Variants in PDGFB observed in about 807,000 individuals in gnomAD.
PDGFB encodes the protein platelet derived growth factor subunit B.
PDGFB carries 6 observed loss-of-function variants against 29.0 expected under a neutral mutation model. The ratio of observed to expected loss-of-function variants is 0.21; its 90% CI spans 0.11 to 0.41. The LOEUF is 0.41. Among genes scored for constraint, PDGFB ranks in the 10% least tolerant of loss-of-function variants. The probability of loss-of-function intolerance (pLI) is 1.00; values close to 1 mark genes in which losing one functional copy is unlikely to be tolerated. For synonymous variants in PDGFB, 144 were observed against 140.8 expected, an observed-to-expected ratio of 1.02 and a Z score of -0.16; for missense variants, 299 against 341.8, an observed-to-expected ratio of 0.87 and a Z score of 0.99.
At chr22:39,239,204 C>T (rs2067870561) in intron 1 of PDGFB, among the ~76,000 whole-genome samples, 1 of 152,208 alleles carries the variant, frequency 6.6e-6, no homozygotes, top group Non-Finnish European at 1.5e-5. Flanking sequence ...TTGTGGGCAG[C>T]AGCGAGTGGC....
At chr22:39,232,956 G>A (rs1305855893) in intron 3 of PDGFB, among the ~76,000 whole-genome samples, 1 of 152,222 alleles carries the variant, frequency 6.6e-6, no homozygotes, top group African/African-American at 2.4e-5. Context: ...CAAGGGAGCA[G>A]GAGGAAGTTC....
rs551087094 is a variant in PDGFB at position 39,242,143 on chromosome 22, C to T, written c.63+1758G>A. 4 of 222,674 alleles carry T rather than the reference C, an allele frequency of 1.8e-5. No homozygotes were observed. Among genetic ancestry groups the T allele is most frequent in the Admixed American group, 1.7e-4 (3 of 17,374 alleles). The allele number at this position is 222,674 out of a possible 1,614,324, so 13.8% of individuals were successfully genotyped here. A position where few individuals can be genotyped will look rare whatever the true frequency, so the allele number is the denominator to read the frequency against. ...GCCGCGCGTGCAGGGGCCGTGCGTGCGTTTGTGTGCGGTGCGCGCGCGTGT... is the reference window on the plus strand; with the variant it reads ...GCCGCGCGTGCAGGGGCCGTGCGTGTGTTTGTGTGCGGTGCGCGCGCGTGT... On this transcript the variant is annotated intron_variant, in intron 1 of 6. Transcript: ENST00000331163. The surrounding 1 kb of genome is among the most constrained non-coding windows in gnomAD (Gnocchi z 5.7).
rs1321204945 is a variant in PDGFB at position 39,243,593 on chromosome 22, C to T, written c.63+308G>A. Among the ~76,000 whole-genome samples, 3 of 152,184 alleles carry T rather than the reference C, an allele frequency of 2.0e-5. No homozygotes were observed. The highest frequency in any genetic ancestry group is 4.4e-5 in the Non-Finnish European group (3 of 68,030). On this transcript the variant is annotated intron_variant, in intron 1 of 6. Coordinates refer to ENST00000331163, the MANE Select transcript of PDGFB (RefSeq NM_002608.4). The surrounding 1 kb of genome is among the most constrained non-coding windows in gnomAD (Gnocchi z 6.4). ...ACCACCCCACCCCCTCTCCCCCGGC[C>T]GGGAAGGGGCTTGTTCTCGGGTTCC... is the stretch of plus-strand genomic sequence containing the variant.
Position 39,233,481 on chromosome 22 carries a change from G to C in PDGFB, c.204C>G (p.His68Gln), listed in dbSNP as rs770014921. The C allele has an allele frequency of 1.3e-6, 2 of 1,594,664 alleles. No individual in the cohort carries two copies. The highest frequency in any genetic ancestry group is 1.7e-6 in the Non-Finnish European group (2 of 1,171,412). ...CCAAGCTCTCCAGCTCGCCTCCAGA[G>C]TGGGAGCGGGTCATGTTCAGGTCCA... Reference protein sequence around the residue: ...AELDLNMTRSHSGGELESLAR... With the variant: ...AELDLNMTRSQSGGELESLAR... The change falls in exon 3 of 7, where the codon CAC becomes CAG. Residue 68 changes from histidine (H) to glutamine (Q), a missense_variant. By Grantham distance (24) the His-to-Gln change is conservative. Transcript: ENST00000331163.
intron 5 of PDGFB, 129 bp downstream of exon 5, chr22:39,229,955 A>T (rs1932256642): frequency 9.0e-7 from 1 of 1,105,670 alleles, no homozygotes; most frequent in Middle Eastern, 3.1e-4. Flanking sequence ...TCTCAGCAAG[A>T]TGAAAAGAAA....
Position 39,223,471 on chromosome 22 carries a change from A to T in PDGFB, c.*1871T>A, listed in dbSNP as rs1446019363. The T allele has an allele frequency of 6.6e-6, 1 of 152,278 alleles. No individual in the cohort carries two copies. Among genetic ancestry groups the T allele is most frequent in the African/African-American group, 2.4e-5 (1 of 41,436 alleles). The allele number at this position is 152,278 out of a possible 1,614,324, so 9.4% of individuals were successfully genotyped here. ...CCTGTGTGTCTCTTCTTCCCGCCAG[A>T]CAGAGGCCTCCCCCAAGTTGCAGGC... On this transcript the variant is annotated 3_prime_UTR_variant, in exon 7 of 7. Transcript: ENST00000331163.
At chr22:39,240,946 C>G in intron 1 of PDGFB, 2 of 1,325,326 alleles carry the variant, frequency 1.5e-6, no homozygotes, top group Non-Finnish European at 2.1e-6. Context: ...CACACACTCT[C>G]TCTCTCTCTC....
intron 2 of PDGFB, 110 bp from the exon 3 acceptor site, chr22:39,233,634 A>AGAGTCCCTCCTTC: frequency 1.5e-6 from 1 of 648,208 alleles, no homozygotes; most frequent in African/African-American, 1.9e-5. Flanking sequence ...ACTCCAGAGA[A>AGAGTCCCTCCTTC]CAGTCCCTCC....
chr22:39,240,312 CT>C (rs760759410), intron 1 of PDGFB, among the ~76,000 whole-genome samples: 4 of 152,090 alleles, frequency 2.6e-5, no homozygotes, highest in Admixed American at 1.3e-4. Flanking sequence ...TTCTGCCATT[CT>C]TTGGGAACTC....
rs777744133 is a variant in PDGFB at position 39,225,783 on chromosome 22, C to T, written c.666G>A (p.Lys222=). 2 of 1,614,178 alleles carry T rather than the reference C, an allele frequency of 1.2e-6. No homozygotes were observed. Among genetic ancestry groups the T allele is most frequent in the Admixed American group, 3.3e-5 (2 of 60,022 alleles). ...CATGCGTGTGCTTGAATTTCCGGTGCTTGCCCTTGGGGGGCCGGCGGACTC... is the reference window on the plus strand; with the variant it reads ...CATGCGTGTGCTTGAATTTCCGGTGTTTGCCCTTGGGGGGCCGGCGGACTC... ...TVRVRRPPKG[K]HRKFKHTHDK... The change falls in exon 6 of 7, where the codon AAG becomes AAA. Residue 222 remains lysine, a synonymous_variant. Transcript: ENST00000331163.
intron 5 of PDGFB, among the ~76,000 whole-genome samples, chr22:39,226,712 C>G (rs1388310251): frequency 6.6e-6 from 1 of 152,236 alleles, no homozygotes; most frequent in East Asian, 1.9e-4. Flanking sequence ...CTCTCAGCCC[C>G]GTCCGATCAC....
At chr22:39,238,026 C>G (rs576869173) in intron 1 of PDGFB, among the ~76,000 whole-genome samples, 29 of 152,310 alleles carry the variant, frequency 1.9e-4, no homozygotes, top group African/African-American at 6.0e-4. Flanking sequence ...GCATTTAGTG[C>G]TTGTGCCAAG....
intron 3 of PDGFB, among the ~76,000 whole-genome samples, chr22:39,233,193 G>A (rs1245513783): frequency 2.0e-5 from 3 of 152,212 alleles, no homozygotes; most frequent in Non-Finnish European, 4.4e-5. Flanking sequence ...TTGAAATAAG[G>A]AACGAATGAG....
Position 39,244,241 on chromosome 22 carries a change from G to T in PDGFB, c.-278C>A. On this transcript the variant is annotated 5_prime_UTR_variant, in exon 1 of 7. Transcript: ENST00000331163. The surrounding 1 kb of genome is among the most constrained non-coding windows in gnomAD (Gnocchi z 4.5). Reference sequence around the variant, plus strand: ...TCCCGAGCCCGAGTGAGCATCCACGGCCGGGGGGCTGCGTCGCGAACCAGC... The same window carrying T: ...TCCCGAGCCCGAGTGAGCATCCACGTCCGGGGGGCTGCGTCGCGAACCAGC... 4.1e-6 allele frequency: 1 copy of T among 243,402 alleles called. No individual in the cohort carries two copies. Among genetic ancestry groups the T allele is most frequent in the Non-Finnish European group, 7.9e-6 (1 of 126,184 alleles). The allele number at this position is 243,402 out of a possible 1,614,324, so 15.1% of individuals were successfully genotyped here. A position where few individuals can be genotyped will look rare whatever the true frequency, so the allele number is the denominator to read the frequency against.
chr22:39,243,545 G>A lies in PDGFB; in HGVS notation c.63+356C>T, dbSNP rs147322884. On this transcript the variant is annotated intron_variant, in intron 1 of 6. Coordinates refer to ENST00000331163, the MANE Select transcript of PDGFB (RefSeq NM_002608.4). The surrounding 1 kb of genome is among the most constrained non-coding windows in gnomAD (Gnocchi z 6.4). The stretch of plus-strand genomic sequence containing the variant: ...GGCGCCGAAGTGGGCTCGGGAGGAC[G>A]CGCTGCCTTCTGCACCCTGGGCACC... 1.3e-5 allele frequency among the ~76,000 whole-genome samples: 2 copies of A among 152,130 alleles called. No homozygotes were observed. The highest frequency in any genetic ancestry group is 1.3e-4 in the Admixed American group (2 of 15,290).
chr22:39,229,338 C>T (rs371558513), intron 5 of PDGFB, among the ~76,000 whole-genome samples: 4 of 152,124 alleles, frequency 2.6e-5, no homozygotes, highest in South Asian at 2.1e-4. Flanking sequence ...AGGCGTGTGC[C>T]GCTATGCCTG....
At chr22:39,229,598 T>C (rs917943705) in intron 5 of PDGFB, among the ~76,000 whole-genome samples, 1 of 152,156 alleles carries the variant, frequency 6.6e-6, no homozygotes, top group Non-Finnish European at 1.5e-5. Flanking sequence ...CCAGATTCCT[T>C]CCACCATCCC....
At chr22:39,225,923 A>G (rs1410010409) in intron 5 of PDGFB, 76 bp from the exon 6 acceptor site, 1 of 1,505,430 alleles carries the variant, frequency 6.6e-7, no homozygotes, top group Non-Finnish European at 9.0e-7. Flanking sequence ...AAGGCCTGCC[A>G]TGGACCTTCT....
chr22:39,230,347 C>CG (rs1415443884), intron 4 of PDGFB, 119 bp from the exon 5 acceptor site: 1 of 1,001,518 alleles, frequency 1.0e-6, no homozygotes, highest in African/African-American at 1.6e-5. Context: ...CTCGAAAGCC[C>CG]GGAGAGCAGG....
Sources: allele counts gnomAD v4.1 joint callset (sites outside exome capture counted in the v4.1 genomes callset), GRCh38; gene constraint gnomAD v4.1.1; non-coding constraint Gnocchi (gnomAD v3.1); transcripts MANE v1.5; gene names NCBI Gene and HGNC (gene_info 2026-07-23, HGNC 2026-07-21).